KBTBD11: variants seen among roughly 807,000 people sequenced by gnomAD.
KBTBD11 encodes the protein kelch repeat and BTB domain containing 11, also known as kelch repeat and BTB domain-containing protein 11.
For missense variants in KBTBD11, 1,390 were observed against 1,001.8 expected, an observed-to-expected ratio of 1.39 and a Z score of -5.23; for synonymous variants, 747 against 499.0, an observed-to-expected ratio of 1.50 and a Z score of -6.63.
rs1305113872 is a variant in KBTBD11 at position 2,001,419 on chromosome 8, G to A, written c.227G>A (p.Arg76Gln). The change falls in exon 2 of 2, where the codon CGG (arginine) becomes CAG (glutamine). Residue 76 changes from arginine (R) to glutamine (Q), a missense_variant. Coordinates refer to ENST00000320248, the MANE Select transcript of KBTBD11 (RefSeq NM_014867.3). The part of the protein sequence containing the change: ...PSSGGPRVVE[R>Q]QWEAGSAGAA... The stretch of plus-strand genomic sequence containing the variant: ...AGCGGTGGCCCGCGGGTGGTGGAGC[G>A]GCAGTGGGAGGCCGGCAGCGCGGGC... 2.9e-6 allele frequency: 4 copies of A among 1,373,878 alleles called. No individual in the cohort carries two copies. Among genetic ancestry groups the A allele is most frequent in the Non-Finnish European group, 2.8e-6 (3 of 1,070,680 alleles). The allele number at this position is 1,373,878 out of a possible 1,614,324, so 85.1% of individuals were successfully genotyped here. A position where few individuals can be genotyped will look rare whatever the true frequency, so the allele number is the denominator to read the frequency against.
intron 1 of KBTBD11, chr8:1,976,117 G>A (rs1312447466): frequency 6.6e-6 from 1 of 152,196 alleles, no homozygotes; most frequent in African/African-American, 2.4e-5. Flanking sequence ...CCAAGGCTGT[G>A]ATCAAGGAGG....
chr8:1,987,079 A>C (rs551081721), intron 1 of KBTBD11, among the ~76,000 whole-genome samples: 2 of 150,734 alleles, frequency 1.3e-5, no homozygotes, highest in East Asian at 2.0e-4. Flanking sequence ...GATACGGTCT[A>C]TGTGGTGAAC....
At chr8:1,998,354 C>G (rs1247885721) in intron 1 of KBTBD11, among the ~76,000 whole-genome samples, 3 of 152,112 alleles carry the variant, frequency 2.0e-5, no homozygotes, top group Non-Finnish European at 2.9e-5. Flanking sequence ...GGAGATGTCT[C>G]TCTTGCTTAA....
rs564702763 is a variant in KBTBD11, at chr8:2,005,155, C to G, written c.*2091C>G. ...CTGTGCGGTTCCCATGGCTTTCCAG[C>G]GTTTCATTTAGTGAAGGAATGCTCA... is the stretch of plus-strand genomic sequence containing the variant. On this transcript the variant is annotated 3_prime_UTR_variant, in exon 2 of 2. Transcript: ENST00000320248. 1 of 167,034 alleles carries G rather than the reference C, an allele frequency of 6.0e-6. No individual in the cohort carries two copies. Among genetic ancestry groups the G allele is most frequent in the Non-Finnish European group, 1.5e-5 (1 of 68,120 alleles). 10.3% of individuals were successfully genotyped at this position (167,034 alleles called of 1,614,324 possible). A position where few individuals can be genotyped will look rare whatever the true frequency, so the allele number is the denominator to read the frequency against.
In KBTBD11 at chr8:1,997,402, GA is replaced by G. The variant is rs57378017; in HGVS notation, c.-908-2869del. 8.0e-3 allele frequency among the ~76,000 whole-genome samples: 1,115 copies of G among 139,756 alleles called. 6 individuals are homozygous for G. Among genetic ancestry groups the G allele is most frequent in the East Asian group, 0.019 (93 of 4,810 alleles). 91.7% of individuals were successfully genotyped at this position (139,756 alleles called of 152,430 possible). A position where few individuals can be genotyped will look rare whatever the true frequency, so the allele number is the denominator to read the frequency against. The stretch of plus-strand genomic sequence containing the variant: ...AAAATTTCAGTAATGGGTCATTCTG[GA>G]AAAAAAAAAAAAAGTCTTAATGTTG... On this transcript the variant is annotated intron_variant, in intron 1 of 1. Transcript: ENST00000320248.
Position 2,002,401 on chromosome 8 carries a change from G to T in KBTBD11, c.1209G>T (p.Ser403=). ...TGAGGCCCCTGCGCCAGGCGCGCTC[G>T]CAGCTGCGGCTGCTGGCCCTGGACG... ...SAVRPLRQAR[S]QLRLLALDGH... The change falls in exon 2 of 2, where the codon TCG becomes TCT. Residue 403 remains serine, a synonymous_variant. Coordinates refer to ENST00000320248, the MANE Select transcript of KBTBD11 (RefSeq NM_014867.3). The surrounding 1 kb of genome is among the most constrained non-coding windows in gnomAD (Gnocchi z 4.1). 6.8e-7 allele frequency: 1 copy of T among 1,479,668 alleles called. No homozygotes were observed. Among genetic ancestry groups the T allele is most frequent in the Non-Finnish European group, 8.9e-7 (1 of 1,121,462 alleles). 91.7% of individuals were successfully genotyped at this position (1,479,668 alleles called of 1,614,324 possible). A position where few individuals can be genotyped will look rare whatever the true frequency, so the allele number is the denominator to read the frequency against.
chr8:1,983,431 C>T (rs529000300), intron 1 of KBTBD11, among the ~76,000 whole-genome samples: 79 of 152,312 alleles, frequency 5.2e-4, no homozygotes, highest in African/African-American at 1.4e-3. Flanking sequence ...GCCACCGCTC[C>T]GTGACCTGAC....
chr8:2,002,077 C>T lies in KBTBD11; in HGVS notation c.885C>T (p.His295=). The T allele has an allele frequency of 9.0e-7, 1 of 1,112,128 alleles. No individual in the cohort carries two copies. 68.9% of individuals were successfully genotyped at this position (1,112,128 alleles called of 1,614,324 possible). ...LRRRLRAGRA[H]LLAAALGPAG... Reference sequence around the variant, plus strand: ...GCCGCCTGCGCGCCGGCCGCGCCCACCTCTTGGCCGCGGCGCTCGGGCCGG... The same window carrying T: ...GCCGCCTGCGCGCCGGCCGCGCCCATCTCTTGGCCGCGGCGCTCGGGCCGG... The change falls in exon 2 of 2, where the codon CAC becomes CAT. Residue 295 remains histidine (H), a synonymous_variant. Coordinates refer to ENST00000320248, the MANE Select transcript of KBTBD11 (RefSeq NM_014867.3). This position sits in a 1 kb window ranked among gnomAD's most constrained non-coding sequence, Gnocchi z 4.1.
At position 2,005,414 on chromosome 8, in the gene KBTBD11, G is replaced by A. The variant is rs1054337008; in HGVS notation, c.*2350G>A. 1 of 167,106 alleles carries A rather than the reference G, an allele frequency of 6.0e-6. No individual in the cohort carries two copies. The highest frequency in any genetic ancestry group is 1.5e-5 in the Non-Finnish European group (1 of 68,154). 10.4% of individuals were successfully genotyped at this position (167,106 alleles called of 1,614,324 possible). A position where few individuals can be genotyped will look rare whatever the true frequency, so the allele number is the denominator to read the frequency against. ...GAGGACCTGCCACGCCATGAGCAGTGTTTTTGCTTTTTGGGGGCCAGTCCC... is the reference window on the plus strand; with the variant it reads ...GAGGACCTGCCACGCCATGAGCAGTATTTTTGCTTTTTGGGGGCCAGTCCC... On this transcript the variant is annotated 3_prime_UTR_variant, in exon 2 of 2. Transcript: ENST00000320248.
intron 1 of KBTBD11, among the ~76,000 whole-genome samples, chr8:1,981,930 T>A (rs1816553335): frequency 6.6e-6 from 1 of 152,190 alleles, no homozygotes; most frequent in Non-Finnish European, 1.5e-5. Context: ...GATAGCCTGT[T>A]GTGGGATTCT....
intron 1 of KBTBD11, among the ~76,000 whole-genome samples, chr8:1,991,971 G>A (rs969938801): frequency 7.9e-5 from 12 of 152,072 alleles, no homozygotes; most frequent in African/African-American, 2.7e-4. Context: ...GGAGGTAGGC[G>A]TCATGCACGA....
intron 1 of KBTBD11, among the ~76,000 whole-genome samples, chr8:1,997,925 GAC>G (rs1817203931): frequency 6.6e-6 from 1 of 152,106 alleles, no homozygotes; most frequent in Admixed American, 6.5e-5. Flanking sequence ...TCCTCAGAAG[GAC>G]ACAATTTAAT....
At chr8:1,987,761 C>G (rs1816753121) in intron 1 of KBTBD11, among the ~76,000 whole-genome samples, 2 of 140,610 alleles carry the variant, frequency 1.4e-5, no homozygotes, top group Admixed American at 1.4e-4. Flanking sequence ...ACTTTAAGTT[C>G]TAGGGTACAT....
At position 2,002,470 on chromosome 8, in the gene KBTBD11, G is replaced by T. The variant is rs1817419452; in HGVS notation, c.1278G>T (p.Glu426Asp). The change falls in exon 2 of 2, where the codon GAG becomes GAT. Residue 426 changes from glutamate to aspartate, a missense_variant. By Grantham distance (45) the Glu-to-Asp change is conservative. Coordinates refer to ENST00000320248, the MANE Select transcript of KBTBD11 (RefSeq NM_014867.3). This position sits in a 1 kb window ranked among gnomAD's most constrained non-coding sequence, Gnocchi z 4.1. ...AVGGECLLSV[E>D]RYDPRADRWA... ...GCGGCGAGTGCCTGCTCAGCGTGGA[G>T]CGCTACGACCCGCGCGCCGACCGCT... The T allele has an allele frequency of 6.6e-7, 1 of 1,512,006 alleles. No individual in the cohort carries two copies. Among genetic ancestry groups the T allele is most frequent in the East Asian group, 2.6e-5 (1 of 38,612 alleles). The allele number at this position is 1,512,006 out of a possible 1,614,324, so 93.7% of individuals were successfully genotyped here.
At position 2,001,378 on chromosome 8, in the gene KBTBD11, C is replaced by G; in HGVS notation, c.186C>G (p.Ala62=). The stretch of plus-strand genomic sequence containing the variant: ...TCGCCTCAGCGGCGGAAGGCGCGGC[C>G]ACCTCCCCGCCCTCCAGCGGTGGCC... The part of the protein sequence containing the change: ...QSLASAAEGA[A]TSPPSSGGPR... The change falls in exon 2 of 2, where the codon GCC becomes GCG. Residue 62 remains alanine (A), a synonymous_variant. Transcript: ENST00000320248. 1 of 1,463,978 alleles carries G rather than the reference C, an allele frequency of 6.8e-7. No homozygotes were observed. The highest frequency in any genetic ancestry group is 1.5e-5 in the African/African-American group (1 of 68,088). 90.7% of individuals were successfully genotyped at this position (1,463,978 alleles called of 1,614,324 possible).
Position 2,002,442 on chromosome 8 carries a change from T to C in KBTBD11, c.1250T>C (p.Val417Ala). The C allele has an allele frequency of 1.3e-5, 20 of 1,505,416 alleles. No individual in the cohort carries two copies. Among genetic ancestry groups the C allele is most frequent in the Non-Finnish European group, 1.8e-5 (20 of 1,134,590 alleles). 93.3% of individuals were successfully genotyped at this position (1,505,416 alleles called of 1,614,324 possible). ...GCCCTGGACGGTCACCTCTACGCCG[T>C]GGGCGGCGAGTGCCTGCTCAGCGTG... is the stretch of plus-strand genomic sequence containing the variant. ...LLALDGHLYA[V>A]GGECLLSVER... The change falls in exon 2 of 2, where the codon GTG (valine) becomes GCG (alanine). Residue 417 changes from valine (V) to alanine (A), a missense_variant. Physicochemically the swap from Val to Ala is moderately conservative, Grantham distance 64. Coordinates refer to ENST00000320248, the MANE Select transcript of KBTBD11 (RefSeq NM_014867.3). This position sits in a 1 kb window ranked among gnomAD's most constrained non-coding sequence, Gnocchi z 4.1.
rs1790224025 is a variant in KBTBD11 at position 2,001,827 on chromosome 8, G to A, written c.635G>A (p.Arg212His). 1.6e-6 allele frequency: 2 copies of A among 1,216,592 alleles called. No individual in the cohort carries two copies. Among genetic ancestry groups the A allele is most frequent in the South Asian group, 3.5e-5 (1 of 28,592 alleles). The allele number at this position is 1,216,592 out of a possible 1,614,324, so 75.4% of individuals were successfully genotyped here. The change falls in exon 2 of 2, where the codon CGC becomes CAC. Residue 212 changes from arginine (R) to histidine (H), a missense_variant. Coordinates refer to ENST00000320248, the MANE Select transcript of KBTBD11 (RefSeq NM_014867.3). ...DNVAEVVAGARRLQLPGAAQR... is the reference protein window; with the variant it reads ...DNVAEVVAGAHRLQLPGAAQR... The stretch of plus-strand genomic sequence containing the variant: ...GTGGCCGAGGTGGTGGCCGGCGCGC[G>A]CCGCCTGCAGCTGCCCGGCGCCGCG...
chr8:1,988,030 G>C (rs1816760663), intron 1 of KBTBD11, among the ~76,000 whole-genome samples: 1 of 152,100 alleles, frequency 6.6e-6, no homozygotes, highest in Non-Finnish European at 1.5e-5. Flanking sequence ...ATGGTTTCCA[G>C]CTTCATCCAT....
chr8:1,984,317 C>G (rs1051423366), intron 1 of KBTBD11, among the ~76,000 whole-genome samples: 1 of 112,572 alleles, frequency 8.9e-6, no homozygotes, highest in Admixed American at 1.2e-4. Flanking sequence ...GAGACAGAGT[C>G]TTGCACTTTC....
Sources: gnomAD v4.1 joint callset for allele counts (sites outside exome capture counted in the v4.1 genomes callset) on GRCh38, gnomAD v4.1.1 for gene constraint, Gnocchi (gnomAD v3.1) non-coding constraint, MANE v1.5 for transcripts, NCBI Gene and HGNC (gene_info 2026-07-23, HGNC 2026-07-21) for gene names.